APC: variants seen among roughly 807,000 people sequenced by gnomAD.
The protein encoded by APC is adenomatous polyposis coli protein.
In APC, 72 loss-of-function variants were observed where a neutral mutation model predicts 247.0. That is an observed-to-expected ratio of 0.29 (90% CI 0.24 to 0.35). APC has a LOEUF of 0.35. APC is among the 10% of genes least tolerant of loss of function. The probability of loss-of-function intolerance (pLI) is 1.00; values close to 1 mark genes in which losing one functional copy is unlikely to be tolerated. For missense variants in APC, 3,400 were observed against 3,360.7 expected (o/e 1.01, Z -0.29); for synonymous variants, 1,254 against 1,162.5 (o/e 1.08, Z -1.60).
rs371597034 is a variant in APC, at chr5:112,839,068, A to T, written c.3474A>T (p.Arg1158Ser). Residue 1158 changes from arginine (R) to serine (S), a missense_variant, in exon 16 of 16, where the codon AGA becomes AGT. Coordinates refer to ENST00000257430, the MANE Select transcript of APC (RefSeq NM_000038.6). This position sits in a 1 kb window ranked among gnomAD's most constrained non-coding sequence, Gnocchi z 5.0. ...AAGAACAGCATGAAGAAGAAGAGAG[A>T]CCAACAAATTATAGCATAAAATATA... The part of the protein sequence containing the change: ...SEEEQHEEEE[R>S]PTNYSIKYNE... 1.2e-6 allele frequency: 2 copies of T among 1,614,138 alleles called. No homozygotes were observed. Among genetic ancestry groups the T allele is most frequent in the Non-Finnish European group, 1.7e-6 (2 of 1,180,028 alleles).
At position 112,843,107 on chromosome 5, in the gene APC, C is replaced by T. The variant is rs79630786; in HGVS notation, c.7513C>T (p.Arg2505Ter). ...THSSVQAGGWRKLPPNLSPTI... is the reference protein window; with the variant it reads ...THSSVQAGGW ...TTCGTCTGTTCAGGCTGGTGGATGG[C>T]GAAAACTCCCACCTAATCTCAGTCC... The change falls in exon 16 of 16, where the codon CGA (arginine) becomes TGA (stop). Residue 2505 changes from arginine (R) to a stop codon, truncating the protein, a stop_gained. Coordinates refer to ENST00000257430, the MANE Select transcript of APC (RefSeq NM_000038.6). LOFTEE classifies it high-confidence loss of function. The surrounding 1 kb of genome is among the most constrained non-coding windows in gnomAD (Gnocchi z 4.8). The T allele has an allele frequency of 1.9e-6, 3 of 1,613,892 alleles. No individual in the cohort carries two copies. The highest frequency in any genetic ancestry group is 1.7e-6 in the Non-Finnish European group (2 of 1,179,888).
upstream of APC, among the ~76,000 whole-genome samples, chr5:112,734,344 A>G (rs955443231): frequency 3.3e-5 from 5 of 152,196 alleles, no homozygotes; most frequent in Non-Finnish European, 5.9e-5. Context: ...ATCCCATGAA[A>G]AATACAGAAC....
chr5:112,768,149 T>C (rs1209032367), intron 4 of APC, among the ~76,000 whole-genome samples: 1 of 151,386 alleles, frequency 6.6e-6, no homozygotes, highest in Non-Finnish European at 1.5e-5. Flanking sequence ...GTTCAAGCGA[T>C]TCTTCTGCTT....
intron 10 of APC, among the ~76,000 whole-genome samples, chr5:112,819,548 A>C (rs970988585): frequency 6.6e-6 from 1 of 152,216 alleles, no homozygotes; most frequent in Admixed American, 6.5e-5. Context: ...GTGCACTACT[A>C]TAAGAACAGT....
intron 15 of APC, among the ~76,000 whole-genome samples, 176 bp downstream of exon 15, chr5:112,835,341 A>T (rs1764769610): frequency 6.6e-6 from 1 of 152,206 alleles, no homozygotes; most frequent in Non-Finnish European, 1.5e-5. Context: ...ATGTAATAAC[A>T]GTTTATAGTA....
chr5:112,768,187 G>A (rs1270514251), intron 4 of APC, among the ~76,000 whole-genome samples: 1 of 150,132 alleles, frequency 6.7e-6, no homozygotes, highest in African/African-American at 2.4e-5. Context: ...GGGATTACAG[G>A]CATGTGCCAC....
intron 2 of APC, among the ~76,000 whole-genome samples, chr5:112,764,808 G>C (rs537631458): frequency 6.6e-6 from 1 of 152,302 alleles, no homozygotes; most frequent in Admixed American, 6.5e-5. Flanking sequence ...TGGAATCCTG[G>C]AAAAATCACA....
At chr5:112,765,396 G>C (rs1340131313) in intron 2 of APC, among the ~76,000 whole-genome samples, 2 of 152,144 alleles carry the variant, frequency 1.3e-5, no homozygotes, top group African/African-American at 2.4e-5. Context: ...TTACAGGCAT[G>C]AGCCACCATG....
At chr5:112,742,352 T>C (rs1753135737) in intron 1 of APC, among the ~76,000 whole-genome samples, 1 of 152,212 alleles carries the variant, frequency 6.6e-6, no homozygotes, top group Non-Finnish European at 1.5e-5. Flanking sequence ...CATATCTCCT[T>C]GGACTATGTT....
At chr5:112,720,092 T>G (rs1024242126) in intron 1 of APC, among the ~76,000 whole-genome samples, 16 of 152,212 alleles carry the variant, frequency 1.1e-4, no homozygotes, top group South Asian at 2.1e-4. Flanking sequence ...CTACATAAAT[T>G]GGTGTTCTTC....
intron 4 of APC, among the ~76,000 whole-genome samples, chr5:112,772,516 CTTT>C (rs35444319): frequency 1.4e-5 from 2 of 138,276 alleles, no homozygotes; most frequent in Non-Finnish European, 1.6e-5. Flanking sequence ...ATGCCCAGCT[CTTT>C]TTTTTTTTTT....
Position 112,707,573 on chromosome 5 carries a change from C to G in APC, c.-145C>G, listed in dbSNP as rs986030414. On this transcript the variant is annotated 5_prime_UTR_variant, in exon 1 of 14. Coordinates refer to the APC transcript ENST00000507379. ...GGGGCGGGGTGTGGCCGCCGGAAGC[C>G]TAGCCGCTGCTCGGGGGGGACCTGC... 2.5e-5 allele frequency: 21 copies of G among 847,710 alleles called. No individual in the cohort carries two copies. The highest frequency in any genetic ancestry group is 3.6e-5 in the Non-Finnish European group (21 of 590,584). 52.5% of individuals were successfully genotyped at this position (847,710 alleles called of 1,614,324 possible).
chr5:112,742,674 C>T (rs1459894800), intron 1 of APC, among the ~76,000 whole-genome samples: 1 of 152,156 alleles, frequency 6.6e-6, no homozygotes, highest in East Asian at 1.9e-4. Context: ...CAGCTGGCTT[C>T]CCTCAATGAT....
intron 4 of APC, among the ~76,000 whole-genome samples, chr5:112,773,382 C>T (rs1041519070): frequency 1.1e-4 from 17 of 152,214 alleles, no homozygotes; most frequent in African/African-American, 4.1e-4. Context: ...AATCGGACTG[C>T]ATGGAAATCA....
At chr5:112,764,344 A>T (rs147479964) in intron 2 of APC, among the ~76,000 whole-genome samples, 2 of 152,152 alleles carry the variant, frequency 1.3e-5, no homozygotes, top group Admixed American at 6.5e-5. Context: ...AATTATTTTC[A>T]TAGTTTAGGT....
chr5:112,708,969 G>T (rs1349024574), intron 1 of APC, among the ~76,000 whole-genome samples: 63 of 152,184 alleles, frequency 4.1e-4, no homozygotes, highest in Non-Finnish European at 1.5e-4. Flanking sequence ...CGGTAGTGGA[G>T]GAAGTTGCCA....
intron 1 of APC, among the ~76,000 whole-genome samples, chr5:112,727,111 C>T (rs1316825313): frequency 6.6e-6 from 1 of 151,682 alleles, no homozygotes; most frequent in Non-Finnish European, 1.5e-5. Flanking sequence ...TTTGCACCAA[C>T]CTACTCTTAG....
At chr5:112,803,041 A>G (rs1039344528) in intron 8 of APC, among the ~76,000 whole-genome samples, 13 of 152,132 alleles carry the variant, frequency 8.5e-5, no homozygotes, top group African/African-American at 2.9e-4. Flanking sequence ...AAGATGGTCA[A>G]CTTTACTAAT....
At chr5:112,786,359 A>G (rs1196049739) in intron 6 of APC, among the ~76,000 whole-genome samples, 2 of 152,230 alleles carry the variant, frequency 1.3e-5, no homozygotes. Context: ...AGGAAAACTC[A>G]AAATCCACTT....
Sources: gnomAD v4.1 joint callset for allele counts (sites outside exome capture counted in the v4.1 genomes callset) on GRCh38, gnomAD v4.1.1 for gene constraint, Gnocchi (gnomAD v3.1) non-coding constraint, MANE v1.5 for transcripts, NCBI Gene and HGNC (gene_info 2026-07-23, HGNC 2026-07-21) for gene names.